SMN2: variants seen among roughly 807,000 people sequenced by gnomAD.
SMN2 encodes survival of motor neuron 2, centromeric.
A neutral mutation model predicts 2.8 loss-of-function variants in SMN2; 1 was observed. The ratio of observed to expected loss-of-function variants is 0.35; its 90% CI spans 0.13 to 1.68. The LOEUF is 1.68. Ranked by LOEUF, SMN2 falls within the 40% of genes most tolerant of loss-of-function variation. The pLI, the probability that SMN2 is intolerant of heterozygous loss-of-function variation, is 0.35. For synonymous variants in SMN2, 5 were observed against 5.0 expected (o/e 0.99, Z 0.01); for missense variants, 12 against 16.9 (o/e 0.71, Z 0.51).
At chr5:70,079,356 C>T (rs1252801399), downstream of SMN2, among the ~76,000 whole-genome samples, 13 of 141,668 alleles carry the variant, frequency 9.2e-5, no homozygotes, top group East Asian at 4.2e-4. Context: ...TGCTTGAACC[C>T]GGGAGGTGGA....
chr5:70,083,801 G>A, the SMN2 span, among the ~76,000 whole-genome samples: 1 of 131,682 alleles, frequency 7.6e-6, no homozygotes, highest in Non-Finnish European at 1.6e-5. Flanking sequence ...TGGGACTGTT[G>A]TGGGGTGGGG....
At chr5:70,080,262 C>T (rs1474705767), downstream of SMN2, among the ~76,000 whole-genome samples, 8 of 136,030 alleles carry the variant, frequency 5.9e-5, 1 homozygote, top group East Asian at 1.1e-3. Context: ...ACCCAGGAGG[C>T]GGAGGTTGCA....
chr5:70,084,642 A>C, the SMN2 span, among the ~76,000 whole-genome samples: 2 of 137,460 alleles, frequency 1.5e-5, 1 homozygote, highest in Non-Finnish European at 3.1e-5. Context: ...AAAAATGATT[A>C]TCTCATATTT....
chr5:70,070,187 G>C (rs1488543530), intron 6 of SMN2, among the ~76,000 whole-genome samples: 1 of 132,216 alleles, frequency 7.6e-6, no homozygotes, highest in Non-Finnish European at 1.6e-5. Context: ...TTAAGGAAAA[G>C]CATGAAAGTA....
At chr5:70,080,162 C>T (rs1337660788), downstream of SMN2, among the ~76,000 whole-genome samples, 1 of 119,658 alleles carries the variant, frequency 8.4e-6, no homozygotes, top group East Asian at 2.5e-4. Flanking sequence ...CCCATCTCTA[C>T]TAAAAATACA....
At chr5:70,052,843 C>T (rs1774489588) in intron 1 of SMN2, among the ~76,000 whole-genome samples, 1 of 106,892 alleles carries the variant, frequency 9.4e-6, no homozygotes, top group Non-Finnish European at 2.0e-5. Context: ...GATCGTGCCA[C>T]TGTACTCCAT....
At chr5:70,079,143 C>A (rs1469277102), downstream of SMN2, among the ~76,000 whole-genome samples, 2 of 119,236 alleles carry the variant, frequency 1.7e-5, no homozygotes, top group Non-Finnish European at 3.7e-5. Flanking sequence ...CCAGAAGTTA[C>A]TAAGAGCAGC....
chr5:70,076,816 A>G lies in SMN2; in HGVS notation c.*4-203A>G, dbSNP rs1268160521. 34 of 1,315,214 alleles carry G rather than the reference A, an allele frequency of 2.6e-5. 8 individuals carry two copies. Among genetic ancestry groups the G allele is most frequent in the Non-Finnish European group, 3.0e-5 (30 of 1,007,454 alleles). 81.5% of individuals were successfully genotyped at this position (1,315,214 alleles called of 1,614,324 possible). A position where few individuals can be genotyped will look rare whatever the true frequency, so the allele number is the denominator to read the frequency against. On this transcript the variant is annotated intron_variant, in intron 8 of 8. Coordinates refer to ENST00000380743, the MANE Select transcript of SMN2 (RefSeq NM_017411.4). ...GTGGAAGAAACATACTTTCACAATA[A>G]AGAGCTTTAGGATATGATGCCATTT... is the stretch of plus-strand genomic sequence containing the variant.
At chr5:70,069,970 T>C (rs1194678296) in intron 6 of SMN2, among the ~76,000 whole-genome samples, 3 of 37,052 alleles carry the variant, frequency 8.1e-5, no homozygotes, top group Non-Finnish European at 1.4e-4. Flanking sequence ...CCCAAAGCGC[T>C]GGGATTACAG....
intron 7 of SMN2, chr5:70,071,088 CTTTTTTTTTTTTT>C (rs1164147978): frequency 5.0e-4 from 26 of 52,088 alleles, no homozygotes; most frequent in Non-Finnish European, 5.6e-4. Flanking sequence ...AAATGAAATT[CTTTTTTTTTTTTT>C]TTTTTTTTTG....
intron 1 of SMN2, among the ~76,000 whole-genome samples, chr5:70,052,433 C>T (rs1457829258): frequency 3.0e-5 from 1 of 32,818 alleles, no homozygotes; most frequent in Non-Finnish European, 7.1e-5. Flanking sequence ...CCCAGCTACT[C>T]GGGAGGCTGA....
In SMN2 at chr5:70,075,710, A is replaced by G. The variant is rs1289584241; in HGVS notation, c.835-811A>G. On this transcript the variant is annotated intron_variant, in intron 7 of 8. Coordinates refer to ENST00000380743, the MANE Select transcript of SMN2 (RefSeq NM_017411.4). ...TTTTTTAGAGACCAGGTCTCACTCT[A>G]TTGCTCAGGCTGGAGTGCAAGGGCA... Among the ~76,000 whole-genome samples the G allele has an allele frequency of 8.3e-5, 10 of 120,302 alleles. 1 individual carries two copies. Among genetic ancestry groups the G allele is most frequent in the East Asian group, 2.2e-4 (1 of 4,624 alleles). 78.9% of individuals were successfully genotyped at this position (120,302 alleles called of 152,430 possible). A position where few individuals can be genotyped will look rare whatever the true frequency, so the allele number is the denominator to read the frequency against.
the SMN2 span, among the ~76,000 whole-genome samples, chr5:70,085,377 G>A: frequency 1.5e-5 from 2 of 134,666 alleles, no homozygotes; most frequent in Non-Finnish European, 3.1e-5. Flanking sequence ...CAGTAGCTGG[G>A]ATTATAGGCA....
chr5:70,082,279 T>G (rs1276870313), downstream of SMN2, among the ~76,000 whole-genome samples: 6 of 124,544 alleles, frequency 4.8e-5, no homozygotes, highest in East Asian at 9.0e-4. Flanking sequence ...ATTTTATTGA[T>G]GATTTTTGCA....
At chr5:70,084,489 C>A in the SMN2 span, among the ~76,000 whole-genome samples, 4 of 137,184 alleles carry the variant, frequency 2.9e-5, 1 homozygote, top group Non-Finnish European at 6.1e-5. Flanking sequence ...GCCCGACCTA[C>A]ATTTAAATTT....
At chr5:70,085,123 A>C in the SMN2 span, among the ~76,000 whole-genome samples, 2 of 131,068 alleles carry the variant, frequency 1.5e-5, no homozygotes, top group Non-Finnish European at 3.1e-5. Context: ...ATATAGTGGT[A>C]TTCCAAGGTG....
rs1774768109 is a variant in SMN2 at position 70,076,760 on chromosome 5, C to T, written c.*3+186C>T. The T allele has an allele frequency of 8.5e-6, 11 of 1,292,374 alleles. 3 individuals are homozygous for T. The highest frequency in any genetic ancestry group is 5.1e-6 in the Non-Finnish European group (5 of 982,824). The allele number at this position is 1,292,374 out of a possible 1,614,324, so 80.1% of individuals were successfully genotyped here. A position where few individuals can be genotyped will look rare whatever the true frequency, so the allele number is the denominator to read the frequency against. On this transcript the variant is annotated intron_variant, in intron 8 of 8. Transcript: ENST00000380743. ...GATAAAAGGTTAATCTACATCCCTA[C>T]TAGAATTCTCATACTTAACTGGTTG...
chr5:70,052,539 C>CT lies in SMN2; in HGVS notation c.81+2776dup, dbSNP rs1340562557. 1.3e-3 allele frequency among the ~76,000 whole-genome samples: 19 copies of CT among 14,384 alleles called. No homozygotes were observed. The South Asian group carries it at 0.025, about 19-fold the overall frequency. 9.4% of individuals were successfully genotyped at this position (14,384 alleles called of 152,430 possible). A position where few individuals can be genotyped will look rare whatever the true frequency, so the allele number is the denominator to read the frequency against. Reference sequence around the variant, plus strand: ...CTGGGCAACAAGAGCAAAACTTTGTCTTTAAAAAAAAAAAAAAAAAAAGAA... The same window carrying CT: ...CTGGGCAACAAGAGCAAAACTTTGTCTTTTAAAAAAAAAAAAAAAAAAAGAA... On this transcript the variant is annotated intron_variant, in intron 1 of 8. Transcript: ENST00000380743.
chr5:70,080,326 CAAAAA>C (rs1055923290), downstream of SMN2, among the ~76,000 whole-genome samples: 18 of 131,806 alleles, frequency 1.4e-4, 1 homozygote, highest in Non-Finnish European at 2.5e-4. Context: ...GTGACTGTCT[CAAAAA>C]GAAAAAAAGT....
Sources: allele counts gnomAD v4.1 joint callset (sites outside exome capture counted in the v4.1 genomes callset), GRCh38; gene constraint gnomAD v4.1.1; transcripts MANE v1.5; gene names NCBI Gene and HGNC (gene_info 2026-07-23, HGNC 2026-07-21).